The following KLHL1 variants were observed in gnomAD, a reference collection of about 807,000 sequenced individuals.
KLHL1 encodes kelch like family member 1, also known as kelch-like protein 1.
KLHL1 carries 47 observed loss-of-function variants against 77.7 expected under a neutral mutation model. The ratio of observed to expected loss-of-function variants is 0.60; its 90% CI spans 0.48 to 0.77. The LOEUF (loss-of-function observed/expected upper bound fraction) is 0.77, where lower values mean the gene tolerates loss of function less well. KLHL1 is among the 30% of genes least tolerant of loss of function. The pLI, the probability that KLHL1 is intolerant of heterozygous loss-of-function variation, is 0.00. For missense variants in KLHL1, 925 were observed against 910.8 expected (o/e 1.02, Z -0.20); for synonymous variants, 360 against 325.2 (o/e 1.11, Z -1.15).
At chr13:70,105,888 C>T (rs1445362020) in intron 1 of KLHL1, among the ~76,000 whole-genome samples, 1 of 150,584 alleles carries the variant, frequency 6.6e-6, no homozygotes, top group African/African-American at 2.4e-5. Flanking sequence ...TTGATAATTC[C>T]AGATTATACT....
chr13:69,906,731 C>T (rs1017977946), intron 4 of KLHL1, among the ~76,000 whole-genome samples: 1 of 151,938 alleles, frequency 6.6e-6, no homozygotes, highest in African/African-American at 2.4e-5. Context: ...GACTTTTCTA[C>T]ATGATCCTTT....
chr13:69,861,777 G>T (rs944223543), intron 5 of KLHL1, among the ~76,000 whole-genome samples: 1 of 114,140 alleles, frequency 8.8e-6, no homozygotes, highest in Non-Finnish European at 1.7e-5. Context: ...GAGAAACCCC[G>T]TCTCTACTAA....
intron 9 of KLHL1, among the ~76,000 whole-genome samples, chr13:69,715,368 C>A (rs1402449133): frequency 6.6e-6 from 1 of 151,968 alleles, no homozygotes; most frequent in East Asian, 1.9e-4. Flanking sequence ...AACTGTTTGG[C>A]AAGTTCCTCC....
intron 4 of KLHL1, among the ~76,000 whole-genome samples, chr13:69,932,482 T>C (rs187368362): frequency 8.0e-4 from 121 of 152,050 alleles, no homozygotes; most frequent in Non-Finnish European, 1.0e-4. Context: ...GAATACTACA[T>C]CTTAAATGAT....
chr13:69,813,503 C>CACACAT (rs34163072), intron 6 of KLHL1, among the ~76,000 whole-genome samples: 9 of 148,922 alleles, frequency 6.0e-5, no homozygotes, highest in East Asian at 5.9e-4. Context: ...CACACACACA[C>CACACAT]ATATATATAT....
At chr13:70,006,481 T>C (rs982818173) in intron 1 of KLHL1, among the ~76,000 whole-genome samples, 1 of 147,712 alleles carries the variant, frequency 6.8e-6, no homozygotes, top group African/African-American at 2.5e-5. Context: ...ACTCAGTACA[T>C]TCGAAAGTAT....
chr13:69,800,562 GTCT>G (rs1414598440), intron 6 of KLHL1, among the ~76,000 whole-genome samples: 1 of 152,024 alleles, frequency 6.6e-6, no homozygotes, highest in African/African-American at 2.4e-5. Context: ...TAAACATTTT[GTCT>G]TCTTTTTAAG....
intron 4 of KLHL1, among the ~76,000 whole-genome samples, chr13:69,915,043 T>C (rs1393371543): frequency 6.6e-6 from 1 of 152,142 alleles, no homozygotes; most frequent in Non-Finnish European, 1.5e-5. Context: ...CTTATGGTAC[T>C]GCTCATTGGA....
At chr13:69,930,233 T>C (rs912651323) in intron 4 of KLHL1, among the ~76,000 whole-genome samples, 2 of 151,866 alleles carry the variant, frequency 1.3e-5, no homozygotes, top group African/African-American at 4.8e-5. Context: ...TTTTATGATG[T>C]AAAAAATGTG....
chr13:69,779,387 CCT>C lies in KLHL1; in HGVS notation c.1639+17349_1639+17350del, dbSNP rs1207118401. ...TCCTTCCTCCCCTCCCCTCTCCTCC[CCT>C]GTCCTCCCCTCTTCCCTCCTTTCCT... On this transcript the variant is annotated intron_variant, in intron 7 of 10. Coordinates refer to ENST00000377844, the MANE Select transcript of KLHL1 (RefSeq NM_020866.3). Among the ~76,000 whole-genome samples, 7 of 150,496 alleles carry C rather than the reference CCT, an allele frequency of 4.7e-5. No homozygotes were observed. In the Admixed American group the frequency reaches 4.7e-4, roughly 10 times the overall value.
chr13:69,978,745 C>G lies in KLHL1; in HGVS notation c.498-2943G>C, dbSNP rs540076407. Among the ~76,000 whole-genome samples, 11 of 152,210 alleles carry G rather than the reference C, an allele frequency of 7.2e-5. No homozygotes were observed. The East Asian group carries it at 7.8e-4, about 11-fold the overall frequency. ...CAGGTGATCTGCCCGCCTTGGCCCCCCAAAGTGCTGGGATTACAGGCGTGA... is the reference window on the plus strand; with the variant it reads ...CAGGTGATCTGCCCGCCTTGGCCCCGCAAAGTGCTGGGATTACAGGCGTGA... On this transcript the variant is annotated intron_variant, in intron 1 of 10. Transcript: ENST00000377844.
At position 69,747,746 on chromosome 13, in the gene KLHL1, T is replaced by TCATCAAA. The variant is rs1188053623; in HGVS notation, c.1640-7191_1640-7190insTTTGATG. Among the ~76,000 whole-genome samples the TCATCAAA allele has an allele frequency of 7.9e-5, 12 of 152,130 alleles. No homozygotes were observed. The South Asian group carries it at 2.5e-3, about 32-fold the overall frequency. ...CTTTAAAGCATGACAATATCAAATGTTGCTAAGAACATTAGGAATTGAGAA... is the reference window on the plus strand; with the variant it reads ...CTTTAAAGCATGACAATATCAAATGTCATCAAATGCTAAGAACATTAGGAATTGAGAA... On this transcript the variant is annotated intron_variant, in intron 7 of 10. Transcript: ENST00000377844.
rs117978269 is a variant in KLHL1 at position 69,709,700 on chromosome 13, T to C, written c.2016-1904A>G. On this transcript the variant is annotated intron_variant, in intron 9 of 10. Coordinates refer to ENST00000377844, the MANE Select transcript of KLHL1 (RefSeq NM_020866.3). ...GTTTCTGGAATAATTCAATAATGTT[T>C]TGGGTTGAAAACATGTTCAGAAATT... is the stretch of plus-strand genomic sequence containing the variant. 5.5e-3 allele frequency among the ~76,000 whole-genome samples: 842 copies of C among 152,116 alleles called. 10 individuals are homozygous for C. Among genetic ancestry groups the C allele is most frequent in the Non-Finnish European group, 8.1e-3 (552 of 67,962 alleles).
chr13:70,104,182 G>A (rs1228488662), intron 1 of KLHL1, among the ~76,000 whole-genome samples: 1 of 152,094 alleles, frequency 6.6e-6, no homozygotes, highest in Non-Finnish European at 1.5e-5. Context: ...ACTTTCTAAT[G>A]TATATTTAGA....
intron 7 of KLHL1, among the ~76,000 whole-genome samples, chr13:69,755,585 T>C (rs1327121523): frequency 6.6e-6 from 1 of 152,080 alleles, no homozygotes; most frequent in Non-Finnish European, 1.5e-5. Context: ...TCTGAATTAG[T>C]AGAGATATTA....
At chr13:69,785,913 T>C (rs1198052583) in intron 7 of KLHL1, among the ~76,000 whole-genome samples, 2 of 151,954 alleles carry the variant, frequency 1.3e-5, no homozygotes, top group African/African-American at 4.8e-5. Flanking sequence ...CTAGAAGAAA[T>C]GGATAAATTC....
At chr13:70,011,262 A>T (rs1307792746) in intron 1 of KLHL1, among the ~76,000 whole-genome samples, 1 of 152,222 alleles carries the variant, frequency 6.6e-6, no homozygotes, top group Non-Finnish European at 1.5e-5. Flanking sequence ...ACTACATTAA[A>T]TGCTTTGGAA....
intron 1 of KLHL1, among the ~76,000 whole-genome samples, chr13:70,058,624 T>A (rs1886803394): frequency 1.3e-5 from 2 of 152,164 alleles, no homozygotes. Flanking sequence ...GAATTAATAT[T>A]TTTAAAATGT....
At chr13:70,073,987 G>A (rs771972110) in intron 1 of KLHL1, among the ~76,000 whole-genome samples, 6 of 151,888 alleles carry the variant, frequency 4.0e-5, no homozygotes, top group Admixed American at 6.6e-5. Context: ...AACCACACCC[G>A]GCTAATTTTT....
Sources: allele counts gnomAD v4.1 joint callset (sites outside exome capture counted in the v4.1 genomes callset), GRCh38; gene constraint gnomAD v4.1.1; transcripts MANE v1.5; gene names NCBI Gene and HGNC (gene_info 2026-07-23, HGNC 2026-07-21).